XKRX: variants seen among roughly 807,000 people sequenced by gnomAD.
The protein encoded by XKRX is XK-related protein 2.
XKRX carries 11 observed loss-of-function variants against 22.4 expected under a neutral mutation model. That is an observed-to-expected ratio of 0.49 (90% CI 0.31 to 0.81). The LOEUF (loss-of-function observed/expected upper bound fraction) is 0.81. Among genes scored for constraint, XKRX ranks in the 40% least tolerant of loss-of-function variants. The pLI, the probability that XKRX is intolerant of heterozygous loss-of-function variation, is 0.05. For synonymous variants in XKRX, 114 were observed against 132.2 expected, an observed-to-expected ratio of 0.86 and a Z score of 0.94; for missense variants, 320 against 336.5, an observed-to-expected ratio of 0.95 and a Z score of 0.38.
At chrX:100,903,401 A>G in the XKRX span, among the ~76,000 whole-genome samples, 1 of 112,554 alleles carries the variant, frequency 8.9e-6, no homozygotes, top group East Asian at 2.8e-4. Flanking sequence ...AGGATACAAA[A>G]TTAATATACA....
At chrX:100,904,536 TAATTA>T in the XKRX span, among the ~76,000 whole-genome samples, 1 of 112,440 alleles carries the variant, frequency 8.9e-6, no homozygotes, top group Non-Finnish European at 1.9e-5. Flanking sequence ...ACTTCATTCT[TAATTA>T]AATAAGTTCC....
the XKRX span, among the ~76,000 whole-genome samples, chrX:100,955,760 T>C: frequency 8.9e-6 from 1 of 112,218 alleles, no homozygotes; most frequent in Admixed American, 9.5e-5. Flanking sequence ...TATTTATAAT[T>C]GACAAACATT....
chrX:100,890,146 A>C, the XKRX span, among the ~76,000 whole-genome samples: 1 of 111,617 alleles, frequency 9.0e-6, no homozygotes, highest in Admixed American at 9.5e-5. Context: ...GGGGAGAGGT[A>C]AGTTCAGAGA....
rs374460871 is a variant in XKRX at position 100,928,547 on chromosome X, G to A, written c.-243C>T. 1.1e-5 allele frequency: 11 copies of A among 992,508 alleles called. No individual in the cohort carries two copies. The South Asian group carries it at 1.6e-4, about 15-fold the overall frequency. 81.8% of individuals were successfully genotyped at this position (992,508 alleles called of 1,213,427 possible). A position where few individuals can be genotyped will look rare whatever the true frequency, so the allele number is the denominator to read the frequency against. On this transcript the variant is annotated 5_prime_UTR_variant, in exon 1 of 3. Transcript: ENST00000372956. ...TTGAACTTGACTCTTGATTGGCCCC[G>A]ATTCCAATCGTCAACATACTTGCTG...
chrX:100,916,336 T>C (rs2085436018), intron 2 of XKRX, among the ~76,000 whole-genome samples: 1 of 112,243 alleles, frequency 8.9e-6, no homozygotes, highest in Admixed American at 9.4e-5. Flanking sequence ...CATTTCTCTA[T>C]TTTCTAAATT....
At chrX:100,895,125 C>G in the XKRX span, among the ~76,000 whole-genome samples, 1 of 112,133 alleles carries the variant, frequency 8.9e-6, no homozygotes, top group African/African-American at 3.2e-5. Context: ...AAAGTATATA[C>G]TAAATCCACC....
chrX:100,904,086 A>G, the XKRX span, among the ~76,000 whole-genome samples: 1 of 112,203 alleles, frequency 8.9e-6, no homozygotes, highest in South Asian at 3.7e-4. Flanking sequence ...AAGACTTACT[A>G]TAAAGCTACA....
the XKRX span, among the ~76,000 whole-genome samples, chrX:100,955,925 A>G: frequency 1.8e-5 from 2 of 111,713 alleles, no homozygotes; most frequent in Non-Finnish European, 3.8e-5. Context: ...GCCAGCCTCA[A>G]AAGTGATTGC....
At chrX:100,892,891 G>A in the XKRX span, among the ~76,000 whole-genome samples, 2 of 112,429 alleles carry the variant, frequency 1.8e-5, no homozygotes, top group African/African-American at 6.5e-5. Context: ...ATTCATTGCA[G>A]CATTCTTCAC....
At chrX:100,954,148 G>C in the XKRX span, among the ~76,000 whole-genome samples, 1 of 111,247 alleles carries the variant, frequency 9.0e-6, no homozygotes, top group African/African-American at 3.3e-5. Flanking sequence ...GCCGGGCGCA[G>C]TGGCTCACGC....
rs1451278288 is a variant in XKRX at position 100,917,653 on chromosome X, GAAAGAAAGAAAGAAAGAAAGA to G, written c.605-2591_605-2571del. 1.3e-4 allele frequency among the ~76,000 whole-genome samples: 6 copies of G among 44,496 alleles called. 1 individual carries two copies. Among genetic ancestry groups the G allele is most frequent in the African/African-American group, 2.3e-4 (2 of 8,807 alleles). 38.6% of individuals were successfully genotyped at this position (44,496 alleles called of 115,157 possible). A position where few individuals can be genotyped will look rare whatever the true frequency, so the allele number is the denominator to read the frequency against. Reference sequence around the variant, plus strand: ...AAGAAAGAAGAAAGAAAGAAAGAAAGAAAGAAAGAAAGAAAGAAAGAAAAGAAAGAAAGAAAGAAAGAAAGA... The same window carrying G: ...AAGAAAGAAGAAAGAAAGAAAGAAAGAAAGAAAGAAAGAAAGAAAGAAAGA... On this transcript the variant is annotated intron_variant, in intron 2 of 2. Coordinates refer to ENST00000372956, the MANE Select transcript of XKRX (RefSeq NM_212559.3).
At chrX:100,935,356 G>A in the XKRX span, among the ~76,000 whole-genome samples, 1 of 110,642 alleles carries the variant, frequency 9.0e-6, no homozygotes, top group Non-Finnish European at 1.9e-5. Flanking sequence ...CCCTTGGACT[G>A]GGAGCCAGCG....
chrX:100,913,688 T>C lies in XKRX; in HGVS notation c.*650A>G, dbSNP rs773083328. 1 of 112,625 alleles carries C rather than the reference T, an allele frequency of 8.9e-6. No individual in the cohort carries two copies. The highest frequency in any genetic ancestry group is 9.4e-5 in the Admixed American group (1 of 10,643). The allele number at this position is 112,625 out of a possible 1,213,427, so 9.3% of individuals were successfully genotyped here. On this transcript the variant is annotated 3_prime_UTR_variant, in exon 3 of 3. Coordinates refer to ENST00000372956, the MANE Select transcript of XKRX (RefSeq NM_212559.3). ...GGCTTATGCCCTGAAGGAATTCTAC[T>C]CTGCACTTTCTCCTTAGAGTGTGCC...
the XKRX span, among the ~76,000 whole-genome samples, chrX:100,908,412 C>T: frequency 9.0e-6 from 1 of 111,387 alleles, no homozygotes; most frequent in Admixed American, 9.6e-5. Flanking sequence ...CCACTGCGCC[C>T]GGCCAGAATG....
the XKRX span, among the ~76,000 whole-genome samples, chrX:100,903,423 C>T: frequency 8.9e-6 from 1 of 112,150 alleles, no homozygotes; most frequent in Admixed American, 9.5e-5. Flanking sequence ...AAATTAATTG[C>T]TTTCCTATAT....
At chrX:100,907,261 T>A in the XKRX span, among the ~76,000 whole-genome samples, 2 of 111,508 alleles carry the variant, frequency 1.8e-5, no homozygotes, top group Non-Finnish European at 3.8e-5. Flanking sequence ...AGTGGTGCGA[T>A]CATGGCTCAC....
Position 100,921,149 on chromosome X carries a change from C to T in XKRX, c.604+1644G>A, listed in dbSNP as rs754886777. On this transcript the variant is annotated intron_variant, in intron 2 of 2. Coordinates refer to ENST00000372956, the MANE Select transcript of XKRX (RefSeq NM_212559.3). ...CTGACCTCAGGTGATCCACCTGCCTCGGCTTCCCAAAGTGCTGGGATTACA... is the reference window on the plus strand; with the variant it reads ...CTGACCTCAGGTGATCCACCTGCCTTGGCTTCCCAAAGTGCTGGGATTACA... Among the ~76,000 whole-genome samples, 84 of 111,502 alleles carry T rather than the reference C, an allele frequency of 7.5e-4. 1 individual carries two copies. The highest frequency in any genetic ancestry group is 1.5e-4 in the Non-Finnish European group (8 of 53,132).
At chrX:100,951,334 C>A in the XKRX span, among the ~76,000 whole-genome samples, 1 of 102,464 alleles carries the variant, frequency 9.8e-6, no homozygotes, top group East Asian at 3.1e-4. Flanking sequence ...GCAATAGAAT[C>A]ATTAGAAGCC....
At chrX:100,888,446 G>T in the XKRX span, 1 of 999,142 alleles carries the variant, frequency 1.0e-6, no homozygotes, top group South Asian at 1.9e-5. Context: ...CTTGGTGTTT[G>T]GATCTCTCAT....
Sources: gnomAD v4.1 joint callset for allele counts (sites outside exome capture counted in the v4.1 genomes callset) on GRCh38, gnomAD v4.1.1 for gene constraint, MANE v1.5 for transcripts, NCBI Gene and HGNC (gene_info 2026-07-23, HGNC 2026-07-21) for gene names.